Variants in PNPT1 observed in about 807,000 individuals in gnomAD.
The protein encoded by PNPT1 is polyribonucleotide nucleotidyltransferase 1, also known as polyribonucleotide nucleotidyltransferase 1, mitochondrial.
PNPT1 carries 53 observed loss-of-function variants against 119.5 expected under a neutral mutation model. The observed-to-expected ratio is 0.44, with a 90% CI of 0.36 to 0.56. PNPT1 has a LOEUF of 0.56. Ranked by LOEUF, PNPT1 falls within the 20% of genes least tolerant of loss-of-function variation. PNPT1 has a pLI of 0.00. For synonymous variants in PNPT1, 357 were observed against 322.1 expected, an observed-to-expected ratio of 1.11 and a Z score of -1.16; for missense variants, 948 against 938.5, an observed-to-expected ratio of 1.01 and a Z score of -0.13.
chr2:55,643,745 A>C (rs1695908782), intron 23 of PNPT1, among the ~76,000 whole-genome samples: 1 of 152,158 alleles, frequency 6.6e-6, no homozygotes, highest in Admixed American at 6.5e-5. Context: ...TCTCAAAAAA[A>C]AAAAAAGTTA....
At chr2:55,692,266 G>C (rs72812146) in intron 1 of PNPT1, among the ~76,000 whole-genome samples, 11,747 of 151,936 alleles carry the variant, frequency 0.077, 527 homozygotes, top group South Asian at 0.17. Flanking sequence ...ATATTATCTG[G>C]TCCTTTATAG....
chr2:55,681,747 A>C (rs1697255191), intron 5 of PNPT1, among the ~76,000 whole-genome samples: 1 of 150,310 alleles, frequency 6.7e-6, no homozygotes, highest in South Asian at 2.1e-4. Context: ...AGGGAGGCTG[A>C]GGCAGGAGAA....
At chr2:55,660,105 C>A in intron 15 of PNPT1, 52 bp downstream of exon 15, 1 of 1,498,142 alleles carries the variant, frequency 6.7e-7, no homozygotes, top group Non-Finnish European at 8.9e-7. Context: ...CCTCGTCTCA[C>A]AAAAATTTAT....
At chr2:55,659,492 TTG>T (rs1696494477) in intron 15 of PNPT1, among the ~76,000 whole-genome samples, 2 of 151,700 alleles carry the variant, frequency 1.3e-5, no homozygotes, top group African/African-American at 2.4e-5. Context: ...AACTCTACTT[TTG>T]TTTGACAGAC....
chr2:55,686,299 G>A, intron 3 of PNPT1, 71 bp downstream of exon 3: 20 of 1,438,780 alleles, frequency 1.4e-5, no homozygotes, highest in Non-Finnish European at 1.9e-5. Context: ...CTAGACACTG[G>A]ACAAAAATAT....
rs576201358 is a variant in PNPT1, at chr2:55,647,333, G to A, written c.1602+14C>T. The A allele has an allele frequency of 2.7e-5, 42 of 1,557,908 alleles. No homozygotes were observed. In the South Asian group the frequency reaches 3.3e-4, roughly 12 times the overall value. Reference sequence around the variant, plus strand: ...TCTTCATTATTAAATATTTGAAACCGAGAATATACTTGCCAAAATATCTGT... The same window carrying A: ...TCTTCATTATTAAATATTTGAAACCAAGAATATACTTGCCAAAATATCTGT... On this transcript the variant is annotated intron_variant, in intron 19 of 27. Transcript: ENST00000447944.
At chr2:55,687,438 C>CAA (rs11386711) in intron 2 of PNPT1, among the ~76,000 whole-genome samples, 76 of 147,706 alleles carry the variant, frequency 5.1e-4, no homozygotes, top group Non-Finnish European at 6.3e-4. Flanking sequence ...GAGTCCACCT[C>CAA]AAAAAAAAAA....
chr2:55,683,762 A>G (rs760672645), intron 5 of PNPT1, 23 bp downstream of exon 5: 6 of 1,597,488 alleles, frequency 3.8e-6, no homozygotes, highest in African/African-American at 1.3e-5. Flanking sequence ...TCTGGCAACT[A>G]AAAAACCTAA....
At chr2:55,653,375 A>G (rs934357080) in intron 18 of PNPT1, among the ~76,000 whole-genome samples, 6 of 152,216 alleles carry the variant, frequency 3.9e-5, no homozygotes, top group Non-Finnish European at 7.3e-5. Context: ...GTCAAGGATG[A>G]GTTTTTGTCT....
At chr2:55,693,415 T>C (rs1402267068) in intron 1 of PNPT1, among the ~76,000 whole-genome samples, 3 of 151,832 alleles carry the variant, frequency 2.0e-5, no homozygotes, top group East Asian at 1.9e-4. Flanking sequence ...GGAAGTCAGG[T>C]GGACGGACAG....
intron 3 of PNPT1, among the ~76,000 whole-genome samples, chr2:55,686,119 G>A (rs1021061089): frequency 6.6e-5 from 10 of 151,342 alleles, no homozygotes; most frequent in African/African-American, 2.4e-4. Context: ...CAATGTCAAA[G>A]TACTCATGCA....
Position 55,675,608 on chromosome 2 carries a change from G to A in PNPT1, c.680-2529C>T, listed in dbSNP as rs553890281. Among the ~76,000 whole-genome samples, 4 of 152,160 alleles carry A rather than the reference G, an allele frequency of 2.6e-5. No individual in the cohort carries two copies. The South Asian group carries it at 6.2e-4, about 24-fold the overall frequency. On this transcript the variant is annotated intron_variant, in intron 8 of 27. Coordinates refer to ENST00000447944, the MANE Select transcript of PNPT1 (RefSeq NM_033109.5). ...AGCTACTCAGGAGGCTGAGGACATAGGATCGTTTGAACCCCACAGTTTGAG... is the reference window on the plus strand; with the variant it reads ...AGCTACTCAGGAGGCTGAGGACATAAGATCGTTTGAACCCCACAGTTTGAG...
rs1442403774 is a variant in PNPT1, at chr2:55,637,615, T to A, written c.2149-16A>T. 1.3e-6 allele frequency: 2 copies of A among 1,580,982 alleles called. No homozygotes were observed. The highest frequency in any genetic ancestry group is 1.7e-6 in the Non-Finnish European group (2 of 1,150,154). On this transcript the variant is annotated splice_polypyrimidine_tract_variant and intron_variant, in intron 26 of 27. Transcript: ENST00000447944. ...GATGTTTAATCTGGAAAAAAAAATG[T>A]TAATCTATTAGTTGTTGTGCATAAT...
intron 18 of PNPT1, among the ~76,000 whole-genome samples, chr2:55,651,464 T>G (rs1176538631): frequency 1.3e-5 from 2 of 152,150 alleles, no homozygotes; most frequent in African/African-American, 4.8e-5. Context: ...CCTGTTGATC[T>G]GTGACCTTAC....
At chr2:55,667,195 TA>T (rs1696761871) in intron 12 of PNPT1, 102 bp from the exon 13 acceptor site, 1 of 782,300 alleles carries the variant, frequency 1.3e-6, no homozygotes, top group Admixed American at 2.5e-5. Flanking sequence ...TTGTGTATCA[TA>T]ATCCCCTGTG....
chr2:55,648,751 TAAATA>T (rs1157820386), intron 18 of PNPT1, among the ~76,000 whole-genome samples: 2 of 152,152 alleles, frequency 1.3e-5, no homozygotes, highest in Non-Finnish European at 2.9e-5. Context: ...TAATAACATA[TAAATA>T]AAATATTTTA....
intron 1 of PNPT1, among the ~76,000 whole-genome samples, chr2:55,689,591 T>C (rs1697525903): frequency 1.3e-5 from 2 of 152,190 alleles, no homozygotes; most frequent in African/African-American, 2.4e-5. Flanking sequence ...TTATGTTAAG[T>C]GAAAGAAGAC....
Position 55,693,691 on chromosome 2 carries a change from G to T in PNPT1, c.133C>A (p.Arg45=), listed in dbSNP as rs763488755. ...VRALWSSAGS[R]AVAVDLGNRK... ...TTGCCTAAGTCCACGGCCACAGCTCGAGACCCTGCGCTACTCCATAGTGCT... is the reference window on the plus strand; with the variant it reads ...TTGCCTAAGTCCACGGCCACAGCTCTAGACCCTGCGCTACTCCATAGTGCT... Residue 45 remains arginine, a synonymous_variant, in exon 1 of 28, where the codon CGA becomes AGA. Coordinates refer to ENST00000447944, the MANE Select transcript of PNPT1 (RefSeq NM_033109.5). 1 of 1,614,196 alleles carries T rather than the reference G, an allele frequency of 6.2e-7. No homozygotes were observed. Among genetic ancestry groups the T allele is most frequent in the South Asian group, 1.1e-5 (1 of 91,080 alleles).
chr2:55,677,775 T>C (rs952162070), intron 8 of PNPT1, among the ~76,000 whole-genome samples: 1 of 152,012 alleles, frequency 6.6e-6, no homozygotes, highest in Non-Finnish European at 1.5e-5. Flanking sequence ...AGTCTCGCTC[T>C]GTTGCCCAGG....
Sources: allele counts gnomAD v4.1 joint callset (sites outside exome capture counted in the v4.1 genomes callset), GRCh38; gene constraint gnomAD v4.1.1; transcripts MANE v1.5; gene names NCBI Gene and HGNC (gene_info 2026-07-23, HGNC 2026-07-21).